CARD19: variants seen among roughly 807,000 people sequenced by gnomAD.
CARD19 encodes the protein caspase recruitment domain-containing protein 19.
Under a neutral mutation model 24.1 loss-of-function variants are expected in CARD19, and 25 were observed. The ratio of observed to expected loss-of-function variants is 1.04; its 90% confidence interval spans 0.76 to 1.45. CARD19 has a LOEUF of 1.45. Ranked by LOEUF, CARD19 falls within the 40% of genes most tolerant of loss-of-function variation. The pLI is 0.00. For missense variants in CARD19, 241 were observed against 247.4 expected, an observed-to-expected ratio of 0.97 and a Z score of 0.17; for synonymous variants, 103 against 104.9, an observed-to-expected ratio of 0.98 and a Z score of 0.11.
At position 93,096,284 on chromosome 9, in the gene CARD19, G is replaced by T; in HGVS notation, c.-62G>T. 1 of 1,129,930 alleles carries T rather than the reference G, an allele frequency of 8.9e-7. No individual in the cohort carries two copies. The highest frequency in any genetic ancestry group is 1.6e-5 in the African/African-American group (1 of 63,264). 70.0% of individuals were successfully genotyped at this position (1,129,930 alleles called of 1,614,324 possible). Reference sequence around the variant, plus strand: ...GAGCTGGTGGACCGGGCGGCTGACCGAGGGGCGGACGCGCGGCGGGGCAGA... The same window carrying T: ...GAGCTGGTGGACCGGGCGGCTGACCTAGGGGCGGACGCGCGGCGGGGCAGA... On this transcript the variant is annotated 5_prime_UTR_variant, in exon 1 of 6. Coordinates refer to ENST00000375464, the MANE Select transcript of CARD19 (RefSeq NM_032310.5). This position sits in a 1 kb window ranked among gnomAD's most constrained non-coding sequence, Gnocchi z 5.4.
At chr9:93,103,709 G>A (rs914622313) in intron 1 of CARD19, among the ~76,000 whole-genome samples, 3 of 152,328 alleles carry the variant, frequency 2.0e-5, no homozygotes, top group Non-Finnish European at 4.4e-5. Context: ...TGCTTCTAGA[G>A]TTTTGGAAGT....
intron 4 of CARD19, 61 bp from the exon 5 acceptor site, chr9:93,112,157 G>C: frequency 6.7e-7 from 1 of 1,500,150 alleles, no homozygotes; most frequent in Non-Finnish European, 9.0e-7. Context: ...CAGCCCCCAG[G>C]CCTCAGGACC....
chr9:93,111,283 G>A, intron 3 of CARD19: 1 of 1,155,304 alleles, frequency 8.7e-7, no homozygotes, highest in Non-Finnish European at 1.1e-6. Context: ...GGAGTCATGT[G>A]GATGCCAGTA....
intron 3 of CARD19, 154 bp downstream of exon 3, chr9:93,110,875 C>T: frequency 6.5e-7 from 1 of 1,533,108 alleles, no homozygotes; most frequent in South Asian, 1.2e-5. Flanking sequence ...CCCCAGAGGC[C>T]ACCCTCTGGC....
At position 93,107,742 on chromosome 9, in the gene CARD19, C is replaced by G; in HGVS notation, c.76C>G (p.Gln26Glu). ...GACAGGCCATGGGCGCTTGAGTGAGCAGCAGGTGGACAGGATCATCCTCCA... is the reference window on the plus strand; with the variant it reads ...GACAGGCCATGGGCGCTTGAGTGAGGAGCAGGTGGACAGGATCATCCTCCA... ...FLTGHGRLSE[Q>E]QVDRIILQLN... Residue 26 changes from glutamine to glutamate, a missense_variant, in exon 2 of 6, where the codon CAG (glutamine) becomes GAG (glutamate). By Grantham distance (29) the Gln-to-Glu change is conservative. Transcript: ENST00000375464. 3 of 1,614,256 alleles carry G rather than the reference C, an allele frequency of 1.9e-6. No homozygotes were observed. The highest frequency in any genetic ancestry group is 2.5e-6 in the Non-Finnish European group (3 of 1,180,028).
In CARD19 at chr9:93,105,492, G is replaced by T. The variant is rs373610763; in HGVS notation, c.8-2182G>T. On this transcript the variant is annotated intron_variant, in intron 1 of 5. Transcript: ENST00000375464. ...GATGGGGTTTTGCCATGTTGGCCAG[G>T]CTGGTCTCAAACTTCTGGCCTCAAG... Among the ~76,000 whole-genome samples the T allele has an allele frequency of 1.1e-3, 175 of 152,262 alleles. 4 individuals carry two copies. In the South Asian group the frequency reaches 0.028, roughly 25 times the overall value.
At chr9:93,097,689 C>A (rs1826931177) in intron 1 of CARD19, among the ~76,000 whole-genome samples, 1 of 152,306 alleles carries the variant, frequency 6.6e-6, no homozygotes, top group East Asian at 1.9e-4. Flanking sequence ...TGAGGCCTTG[C>A]TGTCCATTAA....
chr9:93,112,611 G>T (rs527859099), intron 5 of CARD19, among the ~76,000 whole-genome samples: 1 of 152,178 alleles, frequency 6.6e-6, no homozygotes, highest in African/African-American at 2.4e-5. Flanking sequence ...AGCAGGTCAC[G>T]TGCCCCAGGG....
chr9:93,104,573 C>A (rs561911621), intron 1 of CARD19, among the ~76,000 whole-genome samples: 1 of 152,204 alleles, frequency 6.6e-6, no homozygotes, highest in Non-Finnish European at 1.5e-5. Context: ...TAGAATTAAC[C>A]AGCAAAGCTA....
intron 4 of CARD19, 89 bp from the exon 5 acceptor site, chr9:93,112,129 C>T (rs931753458): frequency 3.9e-5 from 54 of 1,401,134 alleles, no homozygotes; most frequent in African/African-American, 8.6e-5. Flanking sequence ...CTCAGCCTGG[C>T]ACCCCCACTC....
At chr9:93,110,541 T>A in intron 2 of CARD19, 27 bp from the exon 3 acceptor site, 2 of 1,566,426 alleles carry the variant, frequency 1.3e-6, no homozygotes, top group South Asian at 2.4e-5. Flanking sequence ...TGGCCTGATC[T>A]TCCCTGGCAC....
chr9:93,101,534 G>A (rs927132809), intron 1 of CARD19, among the ~76,000 whole-genome samples: 1 of 151,820 alleles, frequency 6.6e-6, no homozygotes, highest in Non-Finnish European at 1.5e-5. Flanking sequence ...CTACCGTCCG[G>A]GTTGAAGCGA....
chr9:93,108,578 C>T (rs565985457), intron 2 of CARD19, among the ~76,000 whole-genome samples: 121 of 152,270 alleles, frequency 7.9e-4, no homozygotes, highest in African/African-American at 2.7e-3. Flanking sequence ...GAGCCCTTGT[C>T]GCCAGATGGC....
chr9:93,109,574 C>T (rs1387693629), intron 2 of CARD19, among the ~76,000 whole-genome samples: 2 of 151,954 alleles, frequency 1.3e-5, no homozygotes, highest in Non-Finnish European at 2.9e-5. Context: ...TCAAGCAATC[C>T]TCTGGCCTCA....
rs191498767 is a variant in CARD19, at chr9:93,102,201, A to C, written c.8-5473A>C. Reference sequence around the variant, plus strand: ...GGTCTCGAACCCCTGACCTTAGGTGACCTCAGGTCATCTGCTCCCCTTAGC... The same window carrying C: ...GGTCTCGAACCCCTGACCTTAGGTGCCCTCAGGTCATCTGCTCCCCTTAGC... On this transcript the variant is annotated intron_variant, in intron 1 of 5. Coordinates refer to ENST00000375464, the MANE Select transcript of CARD19 (RefSeq NM_032310.5). 1.6e-3 allele frequency among the ~76,000 whole-genome samples: 239 copies of C among 151,528 alleles called. 1 individual carries two copies. The highest frequency in any genetic ancestry group is 5.6e-3 in the African/African-American group (231 of 41,322).
At chr9:93,106,146 T>C (rs920684374) in intron 1 of CARD19, among the ~76,000 whole-genome samples, 1 of 152,152 alleles carries the variant, frequency 6.6e-6, no homozygotes, top group Non-Finnish European at 1.5e-5. Context: ...TCTCTTTTGT[T>C]TACTATTTGT....
chr9:93,100,675 A>G (rs1351464876), intron 1 of CARD19, among the ~76,000 whole-genome samples: 1 of 152,150 alleles, frequency 6.6e-6, no homozygotes, highest in African/African-American at 2.4e-5. Context: ...GAACTTCTTT[A>G]TCATCCCAAA....
chr9:93,109,638 G>C (rs1827387305), intron 2 of CARD19, among the ~76,000 whole-genome samples: 1 of 151,828 alleles, frequency 6.6e-6, no homozygotes, highest in Admixed American at 6.6e-5. Context: ...TCAATTTTTT[G>C]TACTTTTAGT....
intron 3 of CARD19, chr9:93,111,036 A>C: frequency 2.1e-6 from 3 of 1,413,380 alleles, no homozygotes; most frequent in Non-Finnish European, 2.8e-6. Flanking sequence ...TTCTAACCTC[A>C]TTCCACGGGG....
Sources: gnomAD v4.1 joint callset for allele counts (sites outside exome capture counted in the v4.1 genomes callset) on GRCh38, gnomAD v4.1.1 for gene constraint, Gnocchi (gnomAD v3.1) non-coding constraint, MANE v1.5 for transcripts, NCBI Gene and HGNC (gene_info 2026-07-23, HGNC 2026-07-21) for gene names.